The following FHIT variants were observed in gnomAD, a reference collection of about 807,000 sequenced individuals.
The protein encoded by FHIT is bis(5'-adenosyl)-triphosphatase.
A neutral mutation model predicts 17.9 loss-of-function variants in FHIT; 19 were observed. That is an observed-to-expected ratio of 1.06 (90% CI 0.74 to 1.56). The LOEUF (loss-of-function observed/expected upper bound fraction) is 1.56. Among genes scored for constraint, FHIT ranks in the 40% most tolerant of loss-of-function variants. FHIT has a pLI of 0.00. For synonymous variants in FHIT, 81 were observed against 69.7 expected, an observed-to-expected ratio of 1.16 and a Z score of -0.81; for missense variants, 248 against 189.2, an observed-to-expected ratio of 1.31 and a Z score of -1.82.
chr3:60,271,148 C>T (rs1706848852), intron 5 of FHIT, among the ~76,000 whole-genome samples: 1 of 152,064 alleles, frequency 6.6e-6, no homozygotes, highest in African/African-American at 2.4e-5. Flanking sequence ...ACCTATAATC[C>T]CAGAACTTTG....
intron 8 of FHIT, among the ~76,000 whole-genome samples, chr3:59,810,754 C>T (rs114003025): frequency 1.7e-3 from 252 of 152,242 alleles, no homozygotes; most frequent in African/African-American, 5.8e-3. Flanking sequence ...ACAGCACTAT[C>T]GAATGCAGCA....
chr3:60,274,044 T>G (rs550264739), intron 5 of FHIT, among the ~76,000 whole-genome samples: 10 of 152,202 alleles, frequency 6.6e-5, no homozygotes, highest in Non-Finnish European at 1.2e-4. Flanking sequence ...CTTTGAGTTC[T>G]AGTTCTTTCT....
intron 5 of FHIT, among the ~76,000 whole-genome samples, chr3:60,309,548 C>T (rs1372501355): frequency 6.6e-6 from 1 of 152,050 alleles, no homozygotes; most frequent in African/African-American, 2.4e-5. Context: ...GGACTTTTTA[C>T]CTTCTATTAA....
chr3:59,856,941 T>C (rs565874166), intron 8 of FHIT, among the ~76,000 whole-genome samples: 11 of 151,752 alleles, frequency 7.2e-5, no homozygotes, highest in Non-Finnish European at 1.3e-4. Context: ...GCTCAATTAG[T>C]GAATAAAGAA....
At chr3:60,468,267 C>T (rs934318255) in intron 5 of FHIT, among the ~76,000 whole-genome samples, 2 of 152,016 alleles carry the variant, frequency 1.3e-5, no homozygotes, top group South Asian at 2.1e-4. Context: ...CTACATCTTT[C>T]GATTAGAGTT....
At chr3:59,792,891 C>A (rs959003667) in intron 8 of FHIT, among the ~76,000 whole-genome samples, 2 of 149,258 alleles carry the variant, frequency 1.3e-5, no homozygotes, top group South Asian at 2.1e-4. Flanking sequence ...GGGTCATGAA[C>A]CTCCTTGAAA....
intron 5 of FHIT, among the ~76,000 whole-genome samples, chr3:60,372,181 C>T (rs1037968260): frequency 2.0e-5 from 3 of 152,076 alleles, no homozygotes; most frequent in Admixed American, 2.0e-4. Flanking sequence ...AATGTTGTTT[C>T]CTAGCCTAAA....
chr3:60,232,311 GCTTCT>G (rs1440477621), intron 5 of FHIT, among the ~76,000 whole-genome samples: 1 of 152,098 alleles, frequency 6.6e-6, no homozygotes, highest in East Asian at 1.9e-4. Context: ...TCAGTGAAAG[GCTTCT>G]CTTGAGTGGA....
At chr3:60,092,017 C>T (rs924010988) in intron 5 of FHIT, among the ~76,000 whole-genome samples, 2 of 152,160 alleles carry the variant, frequency 1.3e-5, no homozygotes, top group African/African-American at 4.8e-5. Flanking sequence ...CCCTGGTTGG[C>T]TGCTACCCAC....
At chr3:59,876,994 G>C (rs561399064) in intron 8 of FHIT, among the ~76,000 whole-genome samples, 2 of 152,298 alleles carry the variant, frequency 1.3e-5, no homozygotes, top group East Asian at 3.9e-4. Context: ...GAAGAAATGA[G>C]AATCATTCTT....
intron 4 of FHIT, among the ~76,000 whole-genome samples, chr3:60,684,014 T>G (rs904037726): frequency 1.3e-5 from 2 of 152,164 alleles, no homozygotes; most frequent in African/African-American, 4.8e-5. Context: ...AGTAGCTAGC[T>G]GATTCTATCT....
intron 7 of FHIT, among the ~76,000 whole-genome samples, chr3:59,972,970 C>G (rs1012509412): frequency 3.9e-5 from 6 of 152,100 alleles, no homozygotes; most frequent in African/African-American, 1.2e-4. Context: ...CATTCTCAAT[C>G]TCAGCTCCTC....
At chr3:60,138,462 T>C (rs985699485) in intron 5 of FHIT, among the ~76,000 whole-genome samples, 1 of 152,144 alleles carries the variant, frequency 6.6e-6, no homozygotes, top group African/African-American at 2.4e-5. Flanking sequence ...GACAGAAATT[T>C]TCTCATTGAA....
chr3:61,229,878 G>A lies in FHIT; in HGVS notation c.-213+21423C>T, dbSNP rs181696875. On this transcript the variant is annotated intron_variant, in intron 1 of 9. Coordinates refer to ENST00000492590, the MANE Select transcript of FHIT (RefSeq NM_002012.4). ...TTTCCAGAAATACTGGAAAAGGGATGTTTATATTGTTTGGGAGGCTGGAAT... is the reference window on the plus strand; with the variant it reads ...TTTCCAGAAATACTGGAAAAGGGATATTTATATTGTTTGGGAGGCTGGAAT... Among the ~76,000 whole-genome samples, 885 of 152,180 alleles carry A rather than the reference G, an allele frequency of 5.8e-3. 1 individual carries two copies. Among genetic ancestry groups the A allele is most frequent in the Non-Finnish European group, 0.01 (682 of 68,004 alleles).
At chr3:59,989,934 T>C (rs1043810286) in intron 7 of FHIT, among the ~76,000 whole-genome samples, 3 of 152,054 alleles carry the variant, frequency 2.0e-5, no homozygotes, top group African/African-American at 7.2e-5. Flanking sequence ...ACTTTATTTC[T>C]AGTACATAGT....
rs2106823381 is a variant in FHIT, at chr3:59,857,184, G to T, written c.348+65162C>A. ...TCAGGGGAAGCAGTTTTCAAGTTGG[G>T]GTTTGATTTGTGACATGTGAGATTA... On this transcript the variant is annotated intron_variant, in intron 8 of 9. Coordinates refer to ENST00000492590, the MANE Select transcript of FHIT (RefSeq NM_002012.4). Among the ~76,000 whole-genome samples the T allele has an allele frequency of 2.0e-5, 3 of 152,218 alleles. 1 individual carries two copies. In the South Asian group the frequency reaches 6.2e-4, roughly 32 times the overall value.
chr3:60,227,271 T>C (rs951649157), intron 5 of FHIT, among the ~76,000 whole-genome samples: 1 of 152,206 alleles, frequency 6.6e-6, no homozygotes, highest in Non-Finnish European at 1.5e-5. Context: ...CATCTTTGCC[T>C]GTTTCATACA....
intron 5 of FHIT, among the ~76,000 whole-genome samples, chr3:60,330,639 T>C (rs1033992063): frequency 6.6e-6 from 1 of 152,220 alleles, no homozygotes; most frequent in Non-Finnish European, 1.5e-5. Context: ...TAGAAATTTA[T>C]CCTAAGGAAA....
chr3:60,743,994 G>GCA (rs2042290937), intron 4 of FHIT, among the ~76,000 whole-genome samples: 1 of 152,070 alleles, frequency 6.6e-6, no homozygotes, highest in Non-Finnish European at 1.5e-5. Context: ...CCCTGCAGTG[G>GCA]CAGCTGGACT....
Sources: gnomAD v4.1 joint callset for allele counts (sites outside exome capture counted in the v4.1 genomes callset) on GRCh38, gnomAD v4.1.1 for gene constraint, MANE v1.5 for transcripts, NCBI Gene and HGNC (gene_info 2026-07-23, HGNC 2026-07-21) for gene names.